GARNL3: variants seen among roughly 807,000 people sequenced by gnomAD.
GARNL3 encodes GTPase activating Rap/RanGAP domain like 3.
A neutral mutation model predicts 125.0 loss-of-function variants in GARNL3; 63 were observed. The observed-to-expected ratio is 0.50, with a 90% CI of 0.41 to 0.62. The LOEUF (loss-of-function observed/expected upper bound fraction) is 0.62. Ranked by LOEUF, GARNL3 falls within the 20% of genes least tolerant of loss-of-function variation. GARNL3 has a pLI of 0.00. For missense variants in GARNL3, 994 were observed against 1,244.0 expected (o/e 0.80, Z 3.02); for synonymous variants, 439 against 457.5 (o/e 0.96, Z 0.52).
At chr9:127,326,869 T>A (rs1008439588) in intron 7 of GARNL3, among the ~76,000 whole-genome samples, 2 of 152,166 alleles carry the variant, frequency 1.3e-5, no homozygotes, top group Non-Finnish European at 2.9e-5. Context: ...TAACCCAGAA[T>A]ATGCCCCGCC....
chr9:127,385,343 C>T lies in GARNL3; in HGVS notation c.2388+198C>T, dbSNP rs1304792062. Among the ~76,000 whole-genome samples, 1 of 152,186 alleles carries T rather than the reference C, an allele frequency of 6.6e-6. No homozygotes were observed. Among genetic ancestry groups the T allele is most frequent in the Non-Finnish European group, 1.5e-5 (1 of 68,028 alleles). ...GTGATTTCTGTGGGCTTTCAGAACA[C>T]TCCTCAGCTTTGTTAATAGTCATTA... On this transcript the variant is annotated intron_variant, in intron 24 of 27. Transcript: ENST00000373387. The surrounding 1 kb of genome is among the most constrained non-coding windows in gnomAD (Gnocchi z 4.1).
intron 2 of GARNL3, among the ~76,000 whole-genome samples, chr9:127,251,079 G>A (rs1463158110): frequency 2.0e-5 from 3 of 152,240 alleles, no homozygotes; most frequent in Middle Eastern, 3.4e-3. Context: ...GTACAGTACA[G>A]CACACCATAA....
Position 127,311,679 on chromosome 9 carries a change from A to G in GARNL3, c.263A>G (p.His88Arg). 1 of 1,614,080 alleles carries G rather than the reference A, an allele frequency of 6.2e-7. No homozygotes were observed. Among genetic ancestry groups the G allele is most frequent in the Non-Finnish European group, 8.5e-7 (1 of 1,179,922 alleles). Residue 88 changes from histidine to arginine, a missense_variant, in exon 3 of 28, where the codon CAC becomes CGC. His to Arg is a conservative substitution (Grantham distance 29, BLOSUM62 0). Transcript: ENST00000373387. ...GGTACTTGGCGAAGAACAGACGTGC[A>G]CTTAGAGAACCCAGAATACCACACC... ...LPGTWRRTDV[H>R]LENPEYHTRW...
intron 2 of GARNL3, among the ~76,000 whole-genome samples, chr9:127,256,244 A>G (rs1054693333): frequency 1.3e-5 from 2 of 152,204 alleles, no homozygotes; most frequent in African/African-American, 2.4e-5. Context: ...TGAAGAATTA[A>G]GAAAGGAGGG....
chr9:127,236,236 A>G (rs2063110324), intron 1 of GARNL3, among the ~76,000 whole-genome samples: 1 of 152,238 alleles, frequency 6.6e-6, no homozygotes, highest in Non-Finnish European at 1.5e-5. Context: ...TACTGTAAGG[A>G]GCAGTAAAAA....
intron 4 of GARNL3, among the ~76,000 whole-genome samples, chr9:127,314,991 C>T (rs1279310067): frequency 6.6e-6 from 1 of 152,200 alleles, no homozygotes; most frequent in Non-Finnish European, 1.5e-5. Flanking sequence ...AAGGGTTACT[C>T]ATACCTGGTA....
At chr9:127,371,165 T>A (rs1447532048) in intron 22 of GARNL3, among the ~76,000 whole-genome samples, 1 of 152,214 alleles carries the variant, frequency 6.6e-6, no homozygotes, top group Non-Finnish European at 1.5e-5. Context: ...TCATTCCAAA[T>A]GGCCTATCTT....
intron 2 of GARNL3, among the ~76,000 whole-genome samples, chr9:127,257,623 T>C (rs1456490959): frequency 2.0e-5 from 3 of 152,164 alleles, no homozygotes; most frequent in Non-Finnish European, 4.4e-5. Flanking sequence ...AGGTGTGCTT[T>C]CCAGAATTAG....
chr9:127,232,409 A>G (rs898583902), intron 1 of GARNL3, among the ~76,000 whole-genome samples: 1 of 152,108 alleles, frequency 6.6e-6, no homozygotes, highest in Non-Finnish European at 1.5e-5. Context: ...CCTGGGCTCG[A>G]TGATCCTCCT....
At chr9:127,231,035 C>CATACATAT (rs2062994834) in intron 1 of GARNL3, among the ~76,000 whole-genome samples, 1 of 55,842 alleles carries the variant, frequency 1.8e-5, no homozygotes, top group African/African-American at 8.7e-5. Context: ...TGTATATATA[C>CATACATAT]ATATATATAT....
intron 1 of GARNL3, among the ~76,000 whole-genome samples, chr9:127,286,572 C>T (rs1051494810): frequency 6.6e-6 from 1 of 152,108 alleles, no homozygotes; most frequent in African/African-American, 2.4e-5. Flanking sequence ...CGGGCATTTT[C>T]TTCTCAGTTC....
At chr9:127,373,037 A>T (rs1831692984) in intron 22 of GARNL3, among the ~76,000 whole-genome samples, 1 of 152,252 alleles carries the variant, frequency 6.6e-6, no homozygotes, top group Admixed American at 6.5e-5. Context: ...TGTGAGCCTG[A>T]TGTCATTCAA....
chr9:127,380,624 C>T (rs1306666007), intron 22 of GARNL3, among the ~76,000 whole-genome samples: 4 of 152,194 alleles, frequency 2.6e-5, no homozygotes, highest in Admixed American at 6.5e-5. Flanking sequence ...GAATGATGCA[C>T]TGACACATGG....
intron 21 of GARNL3, among the ~76,000 whole-genome samples, chr9:127,358,319 T>C (rs938471304): frequency 6.6e-6 from 1 of 152,214 alleles, no homozygotes; most frequent in Non-Finnish European, 1.5e-5. Context: ...CAGTGAGCCA[T>C]TGAGGTTTGC....
chr9:127,385,153 G>A lies in GARNL3; in HGVS notation c.2388+8G>A. Reference sequence around the variant, plus strand: ...CAGCTGGTGGCCTCCAGGGTGAGTAGGACTGGGATTTTATCTCTGAGTGGT... The same window carrying A: ...CAGCTGGTGGCCTCCAGGGTGAGTAAGACTGGGATTTTATCTCTGAGTGGT... On this transcript the variant is annotated splice_region_variant and intron_variant, in intron 24 of 27. Transcript: ENST00000373387. This position sits in a 1 kb window ranked among gnomAD's most constrained non-coding sequence, Gnocchi z 4.1. 1 of 1,570,444 alleles carries A rather than the reference G, an allele frequency of 6.4e-7. No individual in the cohort carries two copies. Among genetic ancestry groups the A allele is most frequent in the Non-Finnish European group, 8.7e-7 (1 of 1,148,504 alleles).
chr9:127,387,446 T>A, intron 25 of GARNL3, 115 bp downstream of exon 25: 1 of 1,099,668 alleles, frequency 9.1e-7, no homozygotes, highest in Non-Finnish European at 1.3e-6. Context: ...TTTAAAGCCA[T>A]TAAAAAAAGA....
At chr9:127,331,785 A>G (rs1433810040) in intron 7 of GARNL3, among the ~76,000 whole-genome samples, 2 of 128,420 alleles carry the variant, frequency 1.6e-5, no homozygotes, top group African/African-American at 5.8e-5. Context: ...GGAATTGGGG[A>G]AAATGAGCTT....
chr9:127,239,087 C>A (rs1240003647), intron 1 of GARNL3, among the ~76,000 whole-genome samples: 1 of 152,176 alleles, frequency 6.6e-6, no homozygotes, highest in Non-Finnish European at 1.5e-5. Flanking sequence ...TGTATCTGAC[C>A]CCCCTGGCAG....
At chr9:127,243,331 T>C (rs1021557150) in intron 2 of GARNL3, 6 of 1,147,778 alleles carry the variant, frequency 5.2e-6, no homozygotes, top group African/African-American at 4.8e-5. Context: ...AGGAAGAATA[T>C]ACTTTTTACT....
Sources: allele counts gnomAD v4.1 joint callset (sites outside exome capture counted in the v4.1 genomes callset), GRCh38; gene constraint gnomAD v4.1.1; non-coding constraint Gnocchi (gnomAD v3.1); transcripts MANE v1.5; gene names NCBI Gene and HGNC (gene_info 2026-07-23, HGNC 2026-07-21).